The following ANO5 variants were observed in gnomAD, a reference collection of about 807,000 sequenced individuals.
The protein encoded by ANO5 is anoctamin 5, also known as anoctamin-5.
A neutral mutation model predicts 121.0 loss-of-function variants in ANO5; 109 were observed. That is an observed-to-expected ratio of 0.90 (90% CI 0.77 to 1.06). ANO5 has a LOEUF of 1.06. Ranked by LOEUF, ANO5 falls within the 50% of genes least tolerant of loss-of-function variation. The probability of loss-of-function intolerance (pLI) is 0.00; values close to 1 mark genes in which losing one functional copy is unlikely to be tolerated. For missense variants in ANO5, 1,064 were observed against 1,078.5 expected, an observed-to-expected ratio of 0.99 and a Z score of 0.19; for synonymous variants, 406 against 359.9, an observed-to-expected ratio of 1.13 and a Z score of -1.45.
At chr11:22,208,005 T>G (rs1224769155) in intron 2 of ANO5, among the ~76,000 whole-genome samples, 1 of 151,950 alleles carries the variant, frequency 6.6e-6, no homozygotes, top group South Asian at 2.1e-4. Context: ...TTAGAAGAGC[T>G]AAAATATAAA....
chr11:22,272,859 T>C lies in ANO5; in HGVS notation c.2105T>C (p.Ile702Thr), dbSNP rs761257306. 7 of 1,614,098 alleles carry C rather than the reference T, an allele frequency of 4.3e-6. No homozygotes were observed. The highest frequency in any genetic ancestry group is 5.9e-6 in the Non-Finnish European group (7 of 1,179,986). Residue 702 changes from isoleucine (I) to threonine (T), a missense_variant, in exon 19 of 22, where the codon ATT becomes ACT. Transcript: ENST00000324559. ...CCTCTTCTTGCTCTCATAAATAATA[T>C]TGTAGAGATTCGAGTGGATGCCTGG... Reference protein sequence around the residue: ...LAPLLALINNIVEIRVDAWKL... With the variant: ...LAPLLALINNTVEIRVDAWKL...
At chr11:22,266,282 A>G (rs1264286621) in intron 17 of ANO5, among the ~76,000 whole-genome samples, 1 of 152,140 alleles carries the variant, frequency 6.6e-6, no homozygotes, top group Admixed American at 6.5e-5. Flanking sequence ...TCTCTTTTCC[A>G]TTGTGACTCC....
chr11:22,279,873 TTTTTTC>T lies in ANO5; in HGVS notation c.*114_*119del. On this transcript the variant is annotated 3_prime_UTR_variant, in exon 22 of 22. Transcript: ENST00000324559. ...GTCAATTTTACCCTTTCTTTTTTTT[TTTTTTC>T]TTTTTTTTTTTAAACTCAAAGTTTT... 4.1e-5 allele frequency: 41 copies of T among 998,232 alleles called. No individual in the cohort carries two copies. The highest frequency in any genetic ancestry group is 2.9e-4 in the Middle Eastern group (1 of 3,460). 61.8% of individuals were successfully genotyped at this position (998,232 alleles called of 1,614,324 possible). A position where few individuals can be genotyped will look rare whatever the true frequency, so the allele number is the denominator to read the frequency against.
Position 22,279,879 on chromosome 11 carries a change from C to A in ANO5, c.*114C>A. On this transcript the variant is annotated 3_prime_UTR_variant, in exon 22 of 22. Transcript: ENST00000324559. ...TTTACCCTTTCTTTTTTTTTTTTTTCTTTTTTTTTTTAAACTCAAAGTTTT... is the reference window on the plus strand; with the variant it reads ...TTTACCCTTTCTTTTTTTTTTTTTTATTTTTTTTTTTAAACTCAAAGTTTT... 2.6e-6 allele frequency: 1 copy of A among 387,206 alleles called. No individual in the cohort carries two copies. The highest frequency in any genetic ancestry group is 4.2e-6 in the Non-Finnish European group (1 of 239,128). The allele number at this position is 387,206 out of a possible 1,614,324, so 24.0% of individuals were successfully genotyped here.
At chr11:22,242,463 A>T (rs1240661469) in intron 9 of ANO5, among the ~76,000 whole-genome samples, 2 of 152,146 alleles carry the variant, frequency 1.3e-5, no homozygotes, top group Admixed American at 1.3e-4. Context: ...AATAACATTG[A>T]ATTTGTAAAT....
intron 9 of ANO5, among the ~76,000 whole-genome samples, chr11:22,247,035 C>T (rs1853648531): frequency 6.6e-6 from 1 of 151,942 alleles, no homozygotes; most frequent in Non-Finnish European, 1.5e-5. Context: ...TTTGCAGGAA[C>T]ACACACAAAT....
At chr11:22,244,355 C>T (rs1005524947) in intron 9 of ANO5, among the ~76,000 whole-genome samples, 1 of 151,988 alleles carries the variant, frequency 6.6e-6, no homozygotes, top group African/African-American at 2.4e-5. Flanking sequence ...TCGTGTTGAA[C>T]TTGGTGAATC....
rs2133816073 is a variant in ANO5 at position 22,281,072 on chromosome 11, A to G, written c.*1307A>G. ...TTCTGTTTTCACTTAAAAAAACTAA[A>G]TATGTATAACTTTGTGTATACACAC... On this transcript the variant is annotated 3_prime_UTR_variant, in exon 22 of 22. Coordinates refer to ENST00000324559, the MANE Select transcript of ANO5 (RefSeq NM_213599.3). 6.6e-6 allele frequency: 1 copy of G among 152,158 alleles called. No homozygotes were observed. Among genetic ancestry groups the G allele is most frequent in the Admixed American group, 6.5e-5 (1 of 15,282 alleles). The allele number at this position is 152,158 out of a possible 1,614,324, so 9.4% of individuals were successfully genotyped here. A position where few individuals can be genotyped will look rare whatever the true frequency, so the allele number is the denominator to read the frequency against.
chr11:22,251,952 C>T (rs186029555), intron 12 of ANO5, among the ~76,000 whole-genome samples: 1 of 139,118 alleles, frequency 7.2e-6, no homozygotes, highest in Non-Finnish European at 1.5e-5. Flanking sequence ...ATGGCATGAA[C>T]CCGGGAGGCT....
At position 22,252,052 on chromosome 11, in the gene ANO5, A is replaced by AC. The variant is rs1219362881; in HGVS notation, c.1180+1041_1180+1042insC. Among the ~76,000 whole-genome samples the AC allele has an allele frequency of 1.1e-3, 164 of 143,704 alleles. 1 individual carries two copies. Among genetic ancestry groups the AC allele is most frequent in the African/African-American group, 4.3e-3 (162 of 37,452 alleles). The allele number at this position is 143,704 out of a possible 152,430, so 94.3% of individuals were successfully genotyped here. A position where few individuals can be genotyped will look rare whatever the true frequency, so the allele number is the denominator to read the frequency against. On this transcript the variant is annotated intron_variant, in intron 12 of 21. Coordinates refer to ENST00000324559, the MANE Select transcript of ANO5 (RefSeq NM_213599.3). ...CTCAAAAAAAAAAAAAAAAAAAAAA[A>AC]AAAAAAACTAGGCAAGGGCTGCATT...
intron 21 of ANO5, 132 bp downstream of exon 21, chr11:22,276,331 C>T: frequency 2.7e-6 from 2 of 750,138 alleles, no homozygotes; most frequent in South Asian, 3.1e-5. Context: ...TATTTGTAGT[C>T]ATAAAAAGCA....
Position 22,242,128 on chromosome 11 carries a change from CA to C in ANO5, c.878+2445del, listed in dbSNP as rs143290566. 4.1e-3 allele frequency among the ~76,000 whole-genome samples: 626 copies of C among 152,254 alleles called. 3 individuals carry two copies. The highest frequency in any genetic ancestry group is 0.015 in the African/African-American group (608 of 41,560). ...TATTGCTAGTCAGTTATCCCAGCAC[CA>C]TTTATTGAATACGGAATCCGTTCCC... On this transcript the variant is annotated intron_variant, in intron 9 of 21. Transcript: ENST00000324559.
intron 6 of ANO5, among the ~76,000 whole-genome samples, chr11:22,226,700 G>A (rs926367251): frequency 9.2e-5 from 14 of 152,108 alleles, no homozygotes; most frequent in South Asian, 4.1e-4. Context: ...ACAGAGTGAC[G>A]CTCTGTCTTA....
At chr11:22,238,773 G>C (rs926815499) in intron 8 of ANO5, among the ~76,000 whole-genome samples, 2 of 151,524 alleles carry the variant, frequency 1.3e-5, no homozygotes, top group African/African-American at 4.9e-5. Flanking sequence ...TTAAGTTTTA[G>C]GGTACATGTG....
intron 1 of ANO5, among the ~76,000 whole-genome samples, chr11:22,197,397 C>G (rs1851845898): frequency 6.7e-6 from 1 of 148,924 alleles, no homozygotes; most frequent in Non-Finnish European, 1.5e-5. Flanking sequence ...GGCTGGAGTG[C>G]AGTGGTGTGA....
At chr11:22,216,355 T>C (rs2133570984) in intron 3 of ANO5, among the ~76,000 whole-genome samples, 1 of 152,022 alleles carries the variant, frequency 6.6e-6, no homozygotes, top group African/African-American at 2.4e-5. Context: ...CATTTGATAT[T>C]GATATTGATA....
chr11:22,202,471 G>T (rs1851994033), intron 1 of ANO5, among the ~76,000 whole-genome samples: 1 of 149,658 alleles, frequency 6.7e-6, no homozygotes, highest in Non-Finnish European at 1.5e-5. Context: ...ATTTTTTTTT[G>T]ACTTATACAA....
chr11:22,279,778 G>A lies in ANO5; in HGVS notation c.*13G>A. ...ATCAACACTCTAATCAGTATAGTGA[G>A]GAAGCAGCAGGTGATCTGCCTTACT... On this transcript the variant is annotated 3_prime_UTR_variant, in exon 22 of 22. Transcript: ENST00000324559. 6.2e-7 allele frequency: 1 copy of A among 1,600,990 alleles called. No homozygotes were observed. The highest frequency in any genetic ancestry group is 8.5e-7 in the Non-Finnish European group (1 of 1,169,694).
chr11:22,217,299 T>A (rs1852476912), intron 3 of ANO5, among the ~76,000 whole-genome samples: 1 of 152,006 alleles, frequency 6.6e-6, no homozygotes, highest in Non-Finnish European at 1.5e-5. Context: ...TCAAATATAG[T>A]TGAGTATCCC....
Sources: allele counts gnomAD v4.1 joint callset (sites outside exome capture counted in the v4.1 genomes callset), GRCh38; gene constraint gnomAD v4.1.1; transcripts MANE v1.5; gene names NCBI Gene and HGNC (gene_info 2026-07-23, HGNC 2026-07-21).